The following SLC2A14 variants were observed in gnomAD, a reference collection of about 807,000 sequenced individuals.
SLC2A14 encodes solute carrier family 2 member 14.
In SLC2A14, 13 loss-of-function variants were observed where a neutral mutation model predicts 43.0. The ratio of observed to expected loss-of-function variants is 0.30; its 90% CI spans 0.20 to 0.48. The LOEUF is 0.48. SLC2A14 is among the 20% of genes least tolerant of loss of function. The pLI is 0.99. For missense variants in SLC2A14, 428 were observed against 620.4 expected (o/e 0.69, Z 3.29); for synonymous variants, 190 against 233.8 (o/e 0.81, Z 1.71).
chr12:7,837,638 CA>C (rs557069415), intron 2 of SLC2A14, among the ~76,000 whole-genome samples: 3 of 52,884 alleles, frequency 5.7e-5, no homozygotes, highest in Admixed American at 3.9e-4. Flanking sequence ...AACTTCGTCT[CA>C]AAAAAAAAAA....
intron 2 of SLC2A14, among the ~76,000 whole-genome samples, chr12:7,865,177 C>T (rs1054533083): frequency 2.0e-5 from 3 of 152,084 alleles, no homozygotes; most frequent in African/African-American, 7.2e-5. Flanking sequence ...GATCAGTGAT[C>T]TTTGATATTA....
intron 2 of SLC2A14, among the ~76,000 whole-genome samples, chr12:7,851,078 C>T (rs183650355): frequency 4.5e-4 from 69 of 152,248 alleles, no homozygotes; most frequent in Non-Finnish European, 7.4e-4. Flanking sequence ...TGCAAGCAAT[C>T]TTCCCTCACC....
At chr12:7,880,040 C>G (rs1206035444) in intron 1 of SLC2A14, among the ~76,000 whole-genome samples, 2 of 151,378 alleles carry the variant, frequency 1.3e-5, no homozygotes, top group Non-Finnish European at 2.9e-5. Flanking sequence ...TCATGGCTCA[C>G]ACCTATAATC....
intron 2 of SLC2A14, among the ~76,000 whole-genome samples, chr12:7,840,111 C>CA (rs35137540): frequency 0.38 from 26,987 of 70,930 alleles, 5,281 homozygotes; most frequent in Non-Finnish European, 0.49. Context: ...GACCCTGTCT[C>CA]AAAAAAAAAA....
intron 4 of SLC2A14, among the ~76,000 whole-genome samples, chr12:7,830,812 G>A (rs1415601158): frequency 1.3e-5 from 2 of 152,174 alleles, no homozygotes; most frequent in South Asian, 2.1e-4. Flanking sequence ...AGATTACTAA[G>A]CTAGTATAAA....
chr12:7,827,149 T>C (rs1864562226), intron 7 of SLC2A14, among the ~76,000 whole-genome samples: 1 of 150,630 alleles, frequency 6.6e-6, no homozygotes. Context: ...CTGCCCTGGT[T>C]GCTCCGGCTG....
intron 1 of SLC2A14, 34 bp downstream of exon 1, chr12:7,872,773 C>A (rs1945309556): frequency 3.1e-5 from 31 of 984,746 alleles, no homozygotes; most frequent in Non-Finnish European, 3.7e-5. Flanking sequence ...CATTCCCGCA[C>A]CCCCCGGCCG....
At chr12:7,852,767 C>G (rs1867041015) in intron 2 of SLC2A14, among the ~76,000 whole-genome samples, 1 of 152,106 alleles carries the variant, frequency 6.6e-6, no homozygotes, top group African/African-American at 2.4e-5. Flanking sequence ...CACCATGCAC[C>G]TTGATTTCAG....
intron 2 of SLC2A14, among the ~76,000 whole-genome samples, chr12:7,857,631 A>G (rs1944326260): frequency 6.6e-6 from 1 of 152,070 alleles, no homozygotes; most frequent in African/African-American, 2.4e-5. Context: ...TCTAAAAATT[A>G]AATAGTTCTC....
At chr12:7,863,662 A>G (rs1485348846) in intron 2 of SLC2A14, among the ~76,000 whole-genome samples, 6 of 151,956 alleles carry the variant, frequency 3.9e-5, no homozygotes, top group Non-Finnish European at 7.4e-5. Flanking sequence ...GACATAGCTC[A>G]TTCAATTCAT....
rs749045292 is a variant in SLC2A14 at position 7,832,705 on chromosome 12, TGTGGC to T, written c.111+12_111+16del. The T allele has an allele frequency of 6.2e-7, 1 of 1,611,298 alleles. No homozygotes were observed. The highest frequency in any genetic ancestry group is 8.5e-7 in the Non-Finnish European group (1 of 1,178,116). ...TTTCCCTATTCCAGATTCTAATTCT[TGTGGC>T]CTGGCACTCACCGTCTCAGGAGCAT... On this transcript the variant is annotated intron_variant, in intron 3 of 10. Coordinates refer to ENST00000431042, the MANE Select transcript of SLC2A14 (RefSeq NM_001286234.2).
At chr12:7,873,889 C>T (rs1945361198), upstream of SLC2A14, among the ~76,000 whole-genome samples, 1 of 152,082 alleles carries the variant, frequency 6.6e-6, no homozygotes, top group Non-Finnish European at 1.5e-5. Context: ...AAGCATAAGG[C>T]TTACCTTGGA....
At chr12:7,824,361 C>G (rs1423655102) in intron 7 of SLC2A14, among the ~76,000 whole-genome samples, 3 of 152,082 alleles carry the variant, frequency 2.0e-5, no homozygotes, top group Non-Finnish European at 2.9e-5. Flanking sequence ...TTTAAACAAG[C>G]AATAAATAGT....
chr12:7,828,983 A>ACTGGGTGAC lies in SLC2A14; in HGVS notation c.514-118_514-117insGTCACCCAG. 8 of 1,285,968 alleles carry ACTGGGTGAC rather than the reference A, an allele frequency of 6.2e-6. No homozygotes were observed. The African/African-American group carries it at 1.2e-4, about 19-fold the overall frequency. The allele number at this position is 1,285,968 out of a possible 1,614,324, so 79.7% of individuals were successfully genotyped here. A position where few individuals can be genotyped will look rare whatever the true frequency, so the allele number is the denominator to read the frequency against. On this transcript the variant is annotated intron_variant, in intron 5 of 10. Coordinates refer to ENST00000431042, the MANE Select transcript of SLC2A14 (RefSeq NM_001286234.2). The stretch of plus-strand genomic sequence containing the variant: ...TACGCCTGTAATTCCAGCACTTTGG[A>ACTGGGTGAC]AGGCTGAGGCAGGTGGATCAGGAGT...
In SLC2A14 at chr12:7,828,584, A is replaced by G. The variant is rs77697621; in HGVS notation, c.676+120T>C. The G allele has an allele frequency of 6.1e-3, 6,741 of 1,096,314 alleles. 256 individuals are homozygous for G. The African/African-American group carries it at 0.088, about 14-fold the overall frequency. 67.9% of individuals were successfully genotyped at this position (1,096,314 alleles called of 1,614,324 possible). A position where few individuals can be genotyped will look rare whatever the true frequency, so the allele number is the denominator to read the frequency against. On this transcript the variant is annotated intron_variant, in intron 6 of 10. Transcript: ENST00000431042. ...AAAACAAAGTAGAGTAATCAGAACC[A>G]TCTTCACTTGGATTCTGACGGGCAG...
intron 1 of SLC2A14, among the ~76,000 whole-genome samples, chr12:7,880,171 C>T (rs948364894): frequency 1.3e-5 from 2 of 151,538 alleles, no homozygotes; most frequent in African/African-American, 4.9e-5. Context: ...TGTAGTGGAG[C>T]GTGCCTGTAA....
intron 10 of SLC2A14, among the ~76,000 whole-genome samples, chr12:7,817,453 G>A (rs903325765): frequency 3.3e-5 from 5 of 151,776 alleles, no homozygotes; most frequent in Non-Finnish European, 7.4e-5. Context: ...CAATATGTCA[G>A]CCTACGTAGG....
intron 4 of SLC2A14, 151 bp from the exon 5 acceptor site, chr12:7,830,157 CTTT>C (rs71038781): frequency 5.6e-3 from 4,358 of 781,016 alleles, no homozygotes; most frequent in East Asian, 8.3e-3. Context: ...TCTTTTCTTT[CTTT>C]TTTTTTTTTT....
intron 2 of SLC2A14, among the ~76,000 whole-genome samples, chr12:7,834,127 T>A (rs1865251977): frequency 6.6e-6 from 1 of 152,136 alleles, no homozygotes; most frequent in African/African-American, 2.4e-5. Flanking sequence ...CTCTGTTAAA[T>A]CTTTTTCTTT....
Sources: allele counts gnomAD v4.1 joint callset (sites outside exome capture counted in the v4.1 genomes callset), GRCh38; gene constraint gnomAD v4.1.1; transcripts MANE v1.5; gene names NCBI Gene and HGNC (gene_info 2026-07-23, HGNC 2026-07-21).